NR6A1: variants seen among roughly 807,000 people sequenced by gnomAD.
The protein encoded by NR6A1 is retinoic acid receptor-related testis-associated receptor.
NR6A1 carries 7 observed loss-of-function variants against 59.1 expected under a neutral mutation model. That is an observed-to-expected ratio of 0.12 (90% CI 0.07 to 0.22). The LOEUF (loss-of-function observed/expected upper bound fraction) is 0.22, where lower values mean the gene tolerates loss of function less well. NR6A1 is among the 10% of genes least tolerant of loss of function. The probability of loss-of-function intolerance (pLI) is 1.00; values close to 1 mark genes in which losing one functional copy is unlikely to be tolerated. For synonymous variants in NR6A1, 243 were observed against 236.1 expected, an observed-to-expected ratio of 1.03 and a Z score of -0.27; for missense variants, 468 against 611.6, an observed-to-expected ratio of 0.77 and a Z score of 2.48.
In NR6A1 at chr9:124,539,041, C is replaced by CT. The variant is rs201053687; in HGVS notation, c.597-723dup. Among the ~76,000 whole-genome samples, 247 of 151,220 alleles carry CT rather than the reference C, an allele frequency of 1.6e-3. 2 individuals are homozygous for CT. Among genetic ancestry groups the CT allele is most frequent in the African/African-American group, 5.2e-3 (214 of 40,900 alleles). On this transcript the variant is annotated intron_variant, in intron 5 of 9. Transcript: ENST00000487099. The stretch of plus-strand genomic sequence containing the variant: ...TGGGCAACATAGCAAGACTCCATCT[C>CT]TTTTTTTAAAAAAAAAAGTATTTAA...
At chr9:124,766,078 G>A (rs985857708) in intron 1 of NR6A1, among the ~76,000 whole-genome samples, 2 of 152,018 alleles carry the variant, frequency 1.3e-5, no homozygotes, top group African/African-American at 4.8e-5. Flanking sequence ...TACATCTAGA[G>A]ACGTTTTTTA....
intron 2 of NR6A1, among the ~76,000 whole-genome samples, chr9:124,618,228 T>C (rs1835957027): frequency 6.6e-6 from 1 of 152,160 alleles, no homozygotes; most frequent in African/African-American, 2.4e-5. Context: ...ACACTTGTTA[T>C]CCCAGCACTT....
At chr9:124,543,688 A>G (rs1036322640) in intron 4 of NR6A1, 114 bp downstream of exon 4, 6 of 711,626 alleles carry the variant, frequency 8.4e-6, no homozygotes, top group Non-Finnish European at 1.1e-5. Flanking sequence ...CAGAAATGAA[A>G]GCAAAGATGG....
intron 2 of NR6A1, among the ~76,000 whole-genome samples, chr9:124,562,501 C>A (rs937526306): frequency 2.6e-5 from 4 of 151,942 alleles, no homozygotes; most frequent in Non-Finnish European, 5.9e-5. Context: ...TGCAGTCATA[C>A]CACTCTGCAG....
intron 2 of NR6A1, among the ~76,000 whole-genome samples, chr9:124,695,221 G>A (rs1460139761): frequency 2.6e-5 from 4 of 152,096 alleles, no homozygotes; most frequent in African/African-American, 7.2e-5. Flanking sequence ...AGTATCTCCA[G>A]ACTACATAAA....
intron 6 of NR6A1, among the ~76,000 whole-genome samples, chr9:124,536,597 G>A (rs1588646033): frequency 6.6e-6 from 1 of 152,090 alleles, no homozygotes; most frequent in Non-Finnish European, 1.5e-5. Context: ...CCTGAGAGGC[G>A]GAGATTGCAG....
intron 5 of NR6A1, among the ~76,000 whole-genome samples, chr9:124,539,682 C>T (rs1833384548): frequency 6.6e-6 from 1 of 152,134 alleles, no homozygotes; most frequent in Admixed American, 6.5e-5. Flanking sequence ...AGAGAAATTA[C>T]AGTTTAATTC....
chr9:124,526,756 C>T lies in NR6A1; in HGVS notation c.1201+23G>A, dbSNP rs558524373. 2.5e-5 allele frequency: 41 copies of T among 1,611,762 alleles called. No homozygotes were observed. In the South Asian group the frequency reaches 4.2e-4, roughly 16 times the overall value. Reference sequence around the variant, plus strand: ...CCTGCCTCCCGCACTGCAAACGTCCCTTTTCCCACCCCAGCCACTCACCTT... The same window carrying T: ...CCTGCCTCCCGCACTGCAAACGTCCTTTTTCCCACCCCAGCCACTCACCTT... On this transcript the variant is annotated intron_variant, in intron 8 of 9. Transcript: ENST00000487099.
In NR6A1 at chr9:124,706,203, A is replaced by ACCT. The variant is rs1839129473; in HGVS notation, c.142+27102_142+27104dup. On this transcript the variant is annotated intron_variant, in intron 2 of 9. Coordinates refer to ENST00000487099, the MANE Select transcript of NR6A1 (RefSeq NM_033334.4). ...GAAATACAGAAACTTTATCCAACAT[A>ACCT]CCTCCTATCCATCCCCTCCTATTAT... Among the ~76,000 whole-genome samples, 5 of 152,258 alleles carry ACCT rather than the reference A, an allele frequency of 3.3e-5. No individual in the cohort carries two copies. In the South Asian group the frequency reaches 1.0e-3, roughly 32 times the overall value.
At position 124,518,477 on chromosome 9, in the gene NR6A1, T is replaced by C. The variant is rs1226747076; in HGVS notation, c.*4228A>G. ...TAGAGAGGAGTTTCTGGGGATCCTG[T>C]AATTAAATACACATCCCTGAGCTGT... On this transcript the variant is annotated 3_prime_UTR_variant, in exon 10 of 10. Transcript: ENST00000487099. The C allele has an allele frequency of 1.3e-5, 2 of 151,982 alleles. No individual in the cohort carries two copies. The allele number at this position is 151,982 out of a possible 1,614,324, so 9.4% of individuals were successfully genotyped here. A position where few individuals can be genotyped will look rare whatever the true frequency, so the allele number is the denominator to read the frequency against.
intron 2 of NR6A1, among the ~76,000 whole-genome samples, chr9:124,715,886 A>T (rs1449748880): frequency 6.6e-6 from 1 of 152,204 alleles, no homozygotes; most frequent in African/African-American, 2.4e-5. Context: ...ATAGACTCAC[A>T]ATTATTTTTC....
intron 1 of NR6A1, among the ~76,000 whole-genome samples, chr9:124,745,419 C>A (rs923627313): frequency 2.6e-5 from 4 of 152,184 alleles, no homozygotes; most frequent in African/African-American, 9.7e-5. Context: ...CGCCTGTAAT[C>A]CCAGCACTTT....
chr9:124,647,449 C>T (rs1238446442), intron 2 of NR6A1, among the ~76,000 whole-genome samples: 2 of 151,950 alleles, frequency 1.3e-5, no homozygotes, highest in East Asian at 1.9e-4. Context: ...AAATGGGGGC[C>T]GGCCGCAGTG....
At chr9:124,625,892 T>A (rs1354935830) in intron 2 of NR6A1, among the ~76,000 whole-genome samples, 2 of 152,326 alleles carry the variant, frequency 1.3e-5, no homozygotes, top group East Asian at 3.9e-4. Context: ...CCTTTGGACT[T>A]GAACTGGAAC....
At chr9:124,525,170 A>G (rs1359033620) in intron 8 of NR6A1, among the ~76,000 whole-genome samples, 1 of 152,132 alleles carries the variant, frequency 6.6e-6, no homozygotes, top group African/African-American at 2.4e-5. Flanking sequence ...TAAACACTAA[A>G]CAAATGACTG....
At chr9:124,751,345 C>T (rs185357428) in intron 1 of NR6A1, among the ~76,000 whole-genome samples, 120 of 152,212 alleles carry the variant, frequency 7.9e-4, no homozygotes, top group Non-Finnish European at 1.3e-3. Flanking sequence ...CCTCTAAGAA[C>T]GAGAGAAAAA....
intron 2 of NR6A1, among the ~76,000 whole-genome samples, chr9:124,604,303 C>G (rs1292672326): frequency 6.6e-6 from 1 of 152,182 alleles, no homozygotes; most frequent in African/African-American, 2.4e-5. Flanking sequence ...CTTTAAAACT[C>G]TGTTCCTCTC....
At chr9:124,592,751 T>C (rs569367292) in intron 2 of NR6A1, among the ~76,000 whole-genome samples, 11 of 152,332 alleles carry the variant, frequency 7.2e-5, no homozygotes, top group African/African-American at 2.6e-4. Flanking sequence ...CATTTATTCC[T>C]GGAAGATTTC....
intron 2 of NR6A1, among the ~76,000 whole-genome samples, chr9:124,673,357 G>T (rs1046544429): frequency 2.6e-5 from 4 of 151,890 alleles, no homozygotes; most frequent in Non-Finnish European, 4.4e-5. Context: ...ACATATGAAG[G>T]TTCTCCCATA....
Sources: allele counts gnomAD v4.1 joint callset (sites outside exome capture counted in the v4.1 genomes callset), GRCh38; gene constraint gnomAD v4.1.1; transcripts MANE v1.5; gene names NCBI Gene and HGNC (gene_info 2026-07-23, HGNC 2026-07-21).